HSD17B7: variants seen among roughly 807,000 people sequenced by gnomAD.
The protein encoded by HSD17B7 is 3-keto-steroid reductase/17-beta-hydroxysteroid dehydrogenase 7.
A neutral mutation model predicts 34.1 loss-of-function variants in HSD17B7; 17 were observed. That is an observed-to-expected ratio of 0.50 (90% CI 0.34 to 0.75). HSD17B7 has a LOEUF of 0.75. HSD17B7 is among the 30% of genes least tolerant of loss of function. HSD17B7 has a pLI of 0.01. For synonymous variants in HSD17B7, 122 were observed against 154.6 expected (o/e 0.79, Z 1.56); for missense variants, 296 against 406.6 (o/e 0.73, Z 2.34).
chr1:162,803,850 A>G (rs1648898143), intron 6 of HSD17B7, among the ~76,000 whole-genome samples: 2 of 152,230 alleles, frequency 1.3e-5, no homozygotes, highest in South Asian at 4.1e-4. Context: ...CTAAGTTTTC[A>G]AACTGATCCT....
intron 8 of HSD17B7, among the ~76,000 whole-genome samples, chr1:162,805,740 A>G (rs1648961417): frequency 6.6e-6 from 1 of 152,118 alleles, no homozygotes; most frequent in Admixed American, 6.6e-5. Context: ...AGTTTATCCC[A>G]TAGCCTTTAG....
At chr1:162,794,440 C>A (rs1043886576) in intron 2 of HSD17B7, among the ~76,000 whole-genome samples, 2 of 151,972 alleles carry the variant, frequency 1.3e-5, no homozygotes, top group African/African-American at 4.8e-5. Flanking sequence ...TACTGCTGAG[C>A]TATTAGAGTT....
Position 162,797,861 on chromosome 1 carries a change from C to T in HSD17B7, c.392C>T (p.Thr131Ile). ...CTGCTGACCCAGGGTGATAAGATCA[C>T]TGCTGATGGACTTCAGGAGGTGTTT... is the stretch of plus-strand genomic sequence containing the variant. ...EGLLTQGDKI[T>I]ADGLQEVFET... Residue 131 changes from threonine (T) to isoleucine (I), a missense_variant, in exon 4 of 9, where the codon ACT becomes ATT. Transcript: ENST00000254521. The T allele has an allele frequency of 1.2e-6, 2 of 1,613,828 alleles. No individual in the cohort carries two copies. The highest frequency in any genetic ancestry group is 1.1e-5 in the South Asian group (1 of 91,044).
intron 8 of HSD17B7, among the ~76,000 whole-genome samples, chr1:162,809,963 G>T (rs1020637609): frequency 6.6e-6 from 1 of 151,962 alleles, no homozygotes; most frequent in African/African-American, 2.4e-5. Context: ...GTTCTGCTCT[G>T]ATCTTAGTTA....
chr1:162,806,676 G>A (rs182275252), intron 8 of HSD17B7, among the ~76,000 whole-genome samples: 2 of 152,254 alleles, frequency 1.3e-5, no homozygotes, highest in Admixed American at 6.5e-5. Flanking sequence ...GAATTCTATT[G>A]TAAACTAATA....
intron 8 of HSD17B7, 22 bp from the exon 9 acceptor site, chr1:162,812,276 T>C (rs1649192503): frequency 6.2e-7 from 1 of 1,610,852 alleles, no homozygotes; most frequent in Admixed American, 1.7e-5. Context: ...TCTAGACATC[T>C]CTATTTTTGC....
intron 2 of HSD17B7, among the ~76,000 whole-genome samples, chr1:162,794,869 C>T (rs1025468206): frequency 3.3e-5 from 5 of 152,140 alleles, no homozygotes; most frequent in African/African-American, 1.2e-4. Context: ...TACTTTATCG[C>T]GAGTTCAGTA....
intron 2 of HSD17B7, 61 bp from the exon 3 acceptor site, chr1:162,796,524 A>T: frequency 2.9e-6 from 3 of 1,030,626 alleles, no homozygotes; most frequent in Non-Finnish European, 4.6e-6. Flanking sequence ...GATAGAATAC[A>T]CAATCTTGTC....
intron 8 of HSD17B7, among the ~76,000 whole-genome samples, chr1:162,810,813 C>T (rs568233716): frequency 6.6e-6 from 1 of 152,308 alleles, no homozygotes; most frequent in South Asian, 2.1e-4. Flanking sequence ...AGATTTCCCT[C>T]CATCCCTTTA....
intron 8 of HSD17B7, 124 bp downstream of exon 8, chr1:162,805,616 A>G (rs1648958081): frequency 2.1e-6 from 3 of 1,422,448 alleles, no homozygotes; most frequent in Admixed American, 2.6e-5. Context: ...CACCAGCATC[A>G]CACTGGCCTG....
chr1:162,791,845 T>C lies in HSD17B7; in HGVS notation c.36-814T>C, dbSNP rs1420880583. 5.3e-5 allele frequency among the ~76,000 whole-genome samples: 8 copies of C among 152,262 alleles called. No homozygotes were observed. In the East Asian group the frequency reaches 1.6e-3, roughly 30 times the overall value. On this transcript the variant is annotated intron_variant, in intron 1 of 8. Coordinates refer to ENST00000254521, the MANE Select transcript of HSD17B7 (RefSeq NM_016371.4). Reference sequence around the variant, plus strand: ...GTTGTTGGTGCTAATAGATTACTGATGGTTCCAGGCTCTTTTTGGGTTTTA... The same window carrying C: ...GTTGTTGGTGCTAATAGATTACTGACGGTTCCAGGCTCTTTTTGGGTTTTA...
chr1:162,796,354 G>T (rs1197082803), intron 2 of HSD17B7, among the ~76,000 whole-genome samples: 2 of 152,134 alleles, frequency 1.3e-5, no homozygotes, highest in Non-Finnish European at 2.9e-5. Flanking sequence ...ACCAAAGAAA[G>T]AATTCTCAAA....
intron 8 of HSD17B7, among the ~76,000 whole-genome samples, chr1:162,811,615 G>A (rs1021858696): frequency 1.8e-4 from 28 of 152,210 alleles, no homozygotes; most frequent in African/African-American, 6.3e-4. Flanking sequence ...GCATGTAAAA[G>A]CATTTAGGAG....
At chr1:162,796,730 G>A in intron 3 of HSD17B7, 53 bp downstream of exon 3, 1 of 1,129,536 alleles carries the variant, frequency 8.9e-7, no homozygotes, top group Non-Finnish European at 1.4e-6. Flanking sequence ...TCATTTTTCT[G>A]CCTAGTTTTG....
At chr1:162,803,651 T>G (rs1648890443) in intron 6 of HSD17B7, 116 bp downstream of exon 6, 1 of 1,253,192 alleles carries the variant, frequency 8.0e-7, no homozygotes, top group African/African-American at 1.5e-5. Context: ...GCCATTTAAC[T>G]TGAGGTTTTT....
intron 1 of HSD17B7, 151 bp downstream of exon 1, chr1:162,790,986 G>A (rs1293487756): frequency 1.6e-6 from 1 of 622,048 alleles, no homozygotes; most frequent in Non-Finnish European, 3.0e-6. Flanking sequence ...GGGCATGTCG[G>A]CCTCTTGAGG....
Position 162,790,714 on chromosome 1 carries a change from G to C in HSD17B7, c.-87G>C, listed in dbSNP as rs561736403. On this transcript the variant is annotated 5_prime_UTR_variant, in exon 1 of 9. Coordinates refer to ENST00000254521, the MANE Select transcript of HSD17B7 (RefSeq NM_016371.4). ...GCGGGGCGTGGCCGTACTCTGATTG[G>C]TGACGGGTGAGGCGGCCCGAAATCG... 55 of 854,674 alleles carry C rather than the reference G, an allele frequency of 6.4e-5. No individual in the cohort carries two copies. The South Asian group carries it at 7.8e-4, about 12-fold the overall frequency. The allele number at this position is 854,674 out of a possible 1,614,324, so 52.9% of individuals were successfully genotyped here.
intron 2 of HSD17B7, among the ~76,000 whole-genome samples, chr1:162,793,419 A>G (rs1704752): frequency 0.96 from 145,014 of 151,806 alleles, 69,592 homozygotes; most frequent in East Asian, 1. Context: ...ATCAGTTGGT[A>G]CTGGGATTAC....
chr1:162,810,588 C>A (rs1649142273), intron 8 of HSD17B7, among the ~76,000 whole-genome samples: 1 of 152,006 alleles, frequency 6.6e-6, no homozygotes, highest in African/African-American at 2.4e-5. Context: ...GGAGTCTAAG[C>A]CTCTTTGTAG....
Sources: allele counts gnomAD v4.1 joint callset (sites outside exome capture counted in the v4.1 genomes callset), GRCh38; gene constraint gnomAD v4.1.1; transcripts MANE v1.5; gene names NCBI Gene and HGNC (gene_info 2026-07-23, HGNC 2026-07-21).